The following FXYD2 variants were observed in gnomAD, a reference collection of about 807,000 sequenced individuals.
FXYD2 encodes sodium/potassium-transporting ATPase subunit gamma.
In FXYD2, 8 loss-of-function variants were observed where a neutral mutation model predicts 11.8. The ratio of observed to expected loss-of-function variants is 0.68; its 90% CI spans 0.40 to 1.22. FXYD2 has a LOEUF of 1.22. FXYD2 is among the 50% of genes most tolerant of loss of function. FXYD2 has a pLI of 0.01. For missense variants in FXYD2, 92 were observed against 91.8 expected (o/e 1.00, Z -0.01); for synonymous variants, 42 against 33.3 (o/e 1.26, Z -0.90).
At position 117,822,507 on chromosome 11, in the gene FXYD2, G is replaced by A. The variant is rs1334377947; in HGVS notation, c.65-27C>T. ...TCCGGAAAGAGAGGGCAAGAGGAGC[G>A]GGATGGGTGGTCTCTCCCAGCAGCT... On this transcript the variant is annotated intron_variant, in intron 2 of 5. Coordinates refer to ENST00000292079, the MANE Select transcript of FXYD2 (RefSeq NM_001680.5). The surrounding 1 kb of genome is among the most constrained non-coding windows in gnomAD (Gnocchi z 4.7). The A allele has an allele frequency of 9.6e-6, 15 of 1,556,496 alleles. No individual in the cohort carries two copies. Among genetic ancestry groups the A allele is most frequent in the East Asian group, 7.2e-5 (3 of 41,746 alleles).
chr11:117,827,177 C>A (rs1243167462), upstream of FXYD2, among the ~76,000 whole-genome samples: 1 of 152,042 alleles, frequency 6.6e-6, no homozygotes, highest in Non-Finnish European at 1.5e-5. Flanking sequence ...GAATAGGAAG[C>A]AATAGGGAAA....
upstream of FXYD2, among the ~76,000 whole-genome samples, chr11:117,826,163 A>G (rs1002427268): frequency 1.3e-5 from 2 of 152,200 alleles, no homozygotes; most frequent in African/African-American, 4.8e-5. Flanking sequence ...AATGACAAGC[A>G]TTAGCCTTTG....
In FXYD2 at chr11:117,822,563, C is replaced by T. The variant is rs770925130; in HGVS notation, c.65-83G>A. The T allele has an allele frequency of 9.6e-6, 15 of 1,561,272 alleles. No individual in the cohort carries two copies. The highest frequency in any genetic ancestry group is 3.5e-5 in the South Asian group (3 of 84,856). ...TCTCCGCAGCCTGCCCGCAGCAGCC[C>T]GTGGTAACCAGGGGAGATAAGGGGC... is the stretch of plus-strand genomic sequence containing the variant. On this transcript the variant is annotated intron_variant, in intron 2 of 5. Transcript: ENST00000292079. This position sits in a 1 kb window ranked among gnomAD's most constrained non-coding sequence, Gnocchi z 4.7.
rs17121274 is a variant in FXYD2 at position 117,823,110 on chromosome 11, A to G, written c.26-393T>C. On this transcript the variant is annotated intron_variant, in intron 1 of 5. Transcript: ENST00000292079. ...TCAGGTGCTTAGCAGCTATTTGGGA[A>G]ATGCATGAATAAATAAAACAGAACC... 8.1e-3 allele frequency among the ~76,000 whole-genome samples: 1,237 copies of G among 152,274 alleles called. 12 individuals are homozygous for G. The highest frequency in any genetic ancestry group is 0.029 in the African/African-American group (1,188 of 41,554).
intron 3 of FXYD2, chr11:117,821,703 G>A: frequency 4.2e-6 from 4 of 960,352 alleles, no homozygotes; most frequent in Non-Finnish European, 5.0e-6. Context: ...GGCTGGCAGT[G>A]GCACACGTAG....
rs759066865 is a variant in FXYD2 at position 117,822,569 on chromosome 11, A to G, written c.65-89T>C. 1.3e-6 allele frequency: 2 copies of G among 1,564,152 alleles called. No individual in the cohort carries two copies. The highest frequency in any genetic ancestry group is 1.7e-6 in the Non-Finnish European group (2 of 1,153,800). The stretch of plus-strand genomic sequence containing the variant: ...CAGCCTGCCCGCAGCAGCCCGTGGT[A>G]ACCAGGGGAGATAAGGGGCACAGAG... On this transcript the variant is annotated intron_variant, in intron 2 of 5. Coordinates refer to ENST00000292079, the MANE Select transcript of FXYD2 (RefSeq NM_001680.5). This position sits in a 1 kb window ranked among gnomAD's most constrained non-coding sequence, Gnocchi z 4.7.
In FXYD2 at chr11:117,822,296, TG is replaced by T; in HGVS notation, c.139+109del. The T allele has an allele frequency of 6.5e-7, 1 of 1,544,832 alleles. No homozygotes were observed. Among genetic ancestry groups the T allele is most frequent in the East Asian group, 2.4e-5 (1 of 40,824 alleles). On this transcript the variant is annotated intron_variant, in intron 3 of 5. Transcript: ENST00000292079. This position sits in a 1 kb window ranked among gnomAD's most constrained non-coding sequence, Gnocchi z 4.7. Reference sequence around the variant, plus strand: ...CCACATCCTGCAGTGGGGGGCGTGGTGGGGAGGCTCACCCCTCCCTTGGCAA... The same window carrying T: ...CCACATCCTGCAGTGGGGGGCGTGGTGGGAGGCTCACCCCTCCCTTGGCAA...
In FXYD2 at chr11:117,822,640, C is replaced by A. The variant is rs781565039; in HGVS notation, c.64+39G>T. 6.2e-7 allele frequency: 1 copy of A among 1,603,224 alleles called. No homozygotes were observed. Among genetic ancestry groups the A allele is most frequent in the South Asian group, 1.1e-5 (1 of 88,510 alleles). ...AGGCCGCTGCTTGGTGGAAGGGGTCCTGAGGGCTCAGGAAGGGTGCGCAGG... is the reference window on the plus strand; with the variant it reads ...AGGCCGCTGCTTGGTGGAAGGGGTCATGAGGGCTCAGGAAGGGTGCGCAGG... On this transcript the variant is annotated intron_variant, in intron 2 of 5. Transcript: ENST00000292079. This position sits in a 1 kb window ranked among gnomAD's most constrained non-coding sequence, Gnocchi z 4.7.
At chr11:117,824,950 T>C (rs73586872), upstream of FXYD2, among the ~76,000 whole-genome samples, 3,887 of 152,000 alleles carry the variant, frequency 0.026, 155 homozygotes, top group African/African-American at 0.089. This position sits in a 1 kb window ranked among gnomAD's most constrained non-coding sequence, Gnocchi z 4.0. Flanking sequence ...AAGAGAAGGG[T>C]TGGGATGGGT....
rs928889734 is a variant in FXYD2 at position 117,822,624 on chromosome 11, C to T, written c.64+55G>A. ...GACCTGGGGCTGGGAGAGGCCGCTGCTTGGTGGAAGGGGTCCTGAGGGCTC... is the reference window on the plus strand; with the variant it reads ...GACCTGGGGCTGGGAGAGGCCGCTGTTTGGTGGAAGGGGTCCTGAGGGCTC... On this transcript the variant is annotated intron_variant, in intron 2 of 5. Transcript: ENST00000292079. The surrounding 1 kb of genome is among the most constrained non-coding windows in gnomAD (Gnocchi z 4.7). The T allele has an allele frequency of 1.9e-6, 3 of 1,596,936 alleles. No individual in the cohort carries two copies. In the Admixed American group the frequency reaches 5.3e-5, roughly 28 times the overall value.
At chr11:117,823,602 G>T (rs2134104056) in intron 1 of FXYD2, among the ~76,000 whole-genome samples, 1 of 152,360 alleles carries the variant, frequency 6.6e-6, no homozygotes, top group African/African-American at 2.4e-5. Flanking sequence ...AGGTCTCACA[G>T]TGGTGCCCTG....
At position 117,822,503 on chromosome 11, in the gene FXYD2, G is replaced by A. The variant is rs375623769; in HGVS notation, c.65-23C>T. ...AGTCTCCGGAAAGAGAGGGCAAGAG[G>A]AGCGGGATGGGTGGTCTCTCCCAGC... On this transcript the variant is annotated intron_variant, in intron 2 of 5. Transcript: ENST00000292079. The surrounding 1 kb of genome is among the most constrained non-coding windows in gnomAD (Gnocchi z 4.7). 33 of 1,557,072 alleles carry A rather than the reference G, an allele frequency of 2.1e-5. No individual in the cohort carries two copies. Among genetic ancestry groups the A allele is most frequent in the Non-Finnish European group, 2.4e-5 (28 of 1,149,720 alleles).
chr11:117,820,531 G>T, intron 5 of FXYD2, 135 bp downstream of exon 5: 2 of 1,109,512 alleles, frequency 1.8e-6, no homozygotes, highest in Non-Finnish European at 2.7e-6. Context: ...ACACACGATG[G>T]GTGACAGACC....
Position 117,822,391 on chromosome 11 carries a change from G to A in FXYD2, c.139+15C>T, listed in dbSNP as rs772408762. The A allele has an allele frequency of 3.7e-5, 57 of 1,553,908 alleles. No individual in the cohort carries two copies. Among genetic ancestry groups the A allele is most frequent in the Non-Finnish European group, 4.9e-5 (56 of 1,148,190 alleles). The stretch of plus-strand genomic sequence containing the variant: ...CCCTGGTCAGCACCCCTTCCCTGGA[G>A]GCCACCCCACTTACTGAGGAGGATG... On this transcript the variant is annotated intron_variant, in intron 3 of 5. Coordinates refer to ENST00000292079, the MANE Select transcript of FXYD2 (RefSeq NM_001680.5). This position sits in a 1 kb window ranked among gnomAD's most constrained non-coding sequence, Gnocchi z 4.7.
In FXYD2 at chr11:117,822,591, A is replaced by G. The variant is rs1327801529; in HGVS notation, c.64+88T>C. The stretch of plus-strand genomic sequence containing the variant: ...GGTAACCAGGGGAGATAAGGGGCAC[A>G]GAGCATGGACCTGGGGCTGGGAGAG... On this transcript the variant is annotated intron_variant, in intron 2 of 5. Coordinates refer to ENST00000292079, the MANE Select transcript of FXYD2 (RefSeq NM_001680.5). The surrounding 1 kb of genome is among the most constrained non-coding windows in gnomAD (Gnocchi z 4.7). 4 of 1,573,566 alleles carry G rather than the reference A, an allele frequency of 2.5e-6. No homozygotes were observed. Among genetic ancestry groups the G allele is most frequent in the Non-Finnish European group, 3.4e-6 (4 of 1,159,672 alleles).
intron 4 of FXYD2, 48 bp downstream of exon 4, chr11:117,820,811 C>G: frequency 6.2e-7 from 1 of 1,613,688 alleles, no homozygotes; most frequent in Non-Finnish European, 8.5e-7. Context: ...GCCCGCCCCT[C>G]CTTCTCCAGC....
upstream of FXYD2, chr11:117,827,967 G>A (rs961230473): frequency 1.1e-4 from 155 of 1,417,956 alleles, 2 homozygotes; most frequent in East Asian, 3.6e-3. Flanking sequence ...CCTGAGCAGG[G>A]AGGAGGAATG....
chr11:117,821,214 G>T (rs2055893862), intron 3 of FXYD2: 2 of 381,370 alleles, frequency 5.2e-6, no homozygotes, highest in Non-Finnish European at 7.6e-6. Flanking sequence ...ATGTCACCAT[G>T]CCCAGCTAAT....
At position 117,821,019 on chromosome 11, in the gene FXYD2, G is replaced by A. The variant is rs1019784721; in HGVS notation, c.140-124C>T. The A allele has an allele frequency of 7.0e-6, 9 of 1,276,998 alleles. No homozygotes were observed. In the African/African-American group the frequency reaches 1.3e-4, roughly 19 times the overall value. The allele number at this position is 1,276,998 out of a possible 1,614,324, so 79.1% of individuals were successfully genotyped here. On this transcript the variant is annotated intron_variant, in intron 3 of 5. Transcript: ENST00000292079. ...CAGTATCATCGCAGGGTCAGGCTTG[G>A]AGGCCACGTTTGACTGTCTCTATTT...
Sources: gnomAD v4.1 joint callset for allele counts (sites outside exome capture counted in the v4.1 genomes callset) on GRCh38, gnomAD v4.1.1 for gene constraint, Gnocchi (gnomAD v3.1) non-coding constraint, MANE v1.5 for transcripts, NCBI Gene and HGNC (gene_info 2026-07-23, HGNC 2026-07-21) for gene names.